ITSN1: variants seen among roughly 807,000 people sequenced by gnomAD.
The protein encoded by ITSN1 is intersectin 1.
ITSN1 carries 58 observed loss-of-function variants against 239.8 expected under a neutral mutation model. The observed-to-expected ratio is 0.24, with a 90% CI of 0.20 to 0.30. The LOEUF (loss-of-function observed/expected upper bound fraction) is 0.30, where lower values mean the gene tolerates loss of function less well. Ranked by LOEUF, ITSN1 falls within the 10% of genes least tolerant of loss-of-function variation. The pLI is 1.00. For synonymous variants in ITSN1, 780 were observed against 770.8 expected (o/e 1.01, Z -0.20); for missense variants, 1,558 against 2,103.3 (o/e 0.74, Z 5.07).
At chr21:33,858,210 C>T (rs1280183811) in intron 30 of ITSN1, among the ~76,000 whole-genome samples, 1 of 152,162 alleles carries the variant, frequency 6.6e-6, no homozygotes, top group Non-Finnish European at 1.5e-5. Context: ...AGTCAGTCAC[C>T]GAGGTGGCCA....
chr21:33,853,790 C>G (rs573125661), intron 29 of ITSN1, among the ~76,000 whole-genome samples: 1 of 152,284 alleles, frequency 6.6e-6, no homozygotes, highest in South Asian at 2.1e-4. Context: ...CTATGACAAC[C>G]AAGAACACAC....
chr21:33,702,473 A>G (rs1263290405), intron 1 of ITSN1, among the ~76,000 whole-genome samples: 1 of 152,198 alleles, frequency 6.6e-6, no homozygotes, highest in Admixed American at 6.5e-5. Flanking sequence ...GCACAATGAC[A>G]TACTTGTTTT....
intron 4 of ITSN1, among the ~76,000 whole-genome samples, chr21:33,724,939 C>A (rs1384867585): frequency 6.6e-6 from 1 of 151,000 alleles, no homozygotes; most frequent in African/African-American, 2.4e-5. Flanking sequence ...ATAGGTGTGG[C>A]CACCATGCCT....
intron 14 of ITSN1, among the ~76,000 whole-genome samples, chr21:33,779,325 C>T (rs1055158118): frequency 4.6e-5 from 7 of 152,114 alleles, no homozygotes; most frequent in African/African-American, 1.7e-4. Flanking sequence ...AAATGTCCAT[C>T]TAAACACTGA....
At chr21:33,726,220 C>G (rs1237389495) in intron 4 of ITSN1, among the ~76,000 whole-genome samples, 1 of 152,158 alleles carries the variant, frequency 6.6e-6, no homozygotes, top group East Asian at 1.9e-4. Flanking sequence ...TCTCGAACTC[C>G]TGACCTGAAG....
chr21:33,817,443 G>A (rs549167880), intron 22 of ITSN1: 51 of 1,304,364 alleles, frequency 3.9e-5, no homozygotes, highest in East Asian at 5.5e-5. Flanking sequence ...TGAAATTTAC[G>A]CTGATGCCCC....
intron 1 of ITSN1, among the ~76,000 whole-genome samples, chr21:33,677,656 A>G (rs2090677396): frequency 6.6e-6 from 1 of 152,090 alleles, no homozygotes; most frequent in Non-Finnish European, 1.5e-5. Flanking sequence ...GGAATTCTTG[A>G]TGCTGTCCCC....
intron 1 of ITSN1, among the ~76,000 whole-genome samples, chr21:33,646,000 G>C (rs2146049608): frequency 6.6e-6 from 1 of 152,334 alleles, no homozygotes; most frequent in Non-Finnish European, 1.5e-5. Flanking sequence ...CTAAAACAGT[G>C]CCTGGAGGAA....
intron 1 of ITSN1, among the ~76,000 whole-genome samples, chr21:33,677,331 A>C (rs2090654710): frequency 1.3e-5 from 2 of 151,484 alleles, no homozygotes; most frequent in African/African-American, 4.9e-5. Flanking sequence ...TAACATAGCC[A>C]AAGCAGAATT....
intron 1 of ITSN1, among the ~76,000 whole-genome samples, chr21:33,715,578 G>T (rs2065085038): frequency 6.6e-6 from 1 of 152,158 alleles, no homozygotes; most frequent in African/African-American, 2.4e-5. Flanking sequence ...TATCAAGGTT[G>T]CCTATACAAT....
chr21:33,703,079 C>CTGTG (rs1479310883), intron 1 of ITSN1, among the ~76,000 whole-genome samples: 74 of 126,946 alleles, frequency 5.8e-4, no homozygotes, highest in East Asian at 2.5e-3. Context: ...GAGCGAGACT[C>CTGTG]TGTCTGTGTG....
chr21:33,886,540 C>A, intron 39 of ITSN1, 80 bp downstream of exon 39: 1 of 1,274,942 alleles, frequency 7.8e-7, no homozygotes, highest in Non-Finnish European at 1.1e-6. Context: ...TACCTGGGGA[C>A]TTGGTGCCAG....
At chr21:33,726,421 T>C (rs1054504409) in intron 4 of ITSN1, among the ~76,000 whole-genome samples, 1 of 152,084 alleles carries the variant, frequency 6.6e-6, no homozygotes, top group Admixed American at 6.6e-5. Flanking sequence ...TCCTTACTCC[T>C]TTTGGTAGAC....
intron 29 of ITSN1, among the ~76,000 whole-genome samples, chr21:33,849,565 CA>C (rs55906219): frequency 0.14 from 12,041 of 85,720 alleles, 690 homozygotes; most frequent in African/African-American, 0.3. Flanking sequence ...GACTCTGTCT[CA>C]AAAAAAAAAA....
At chr21:33,880,818 A>G (rs1016480107) in intron 34 of ITSN1, among the ~76,000 whole-genome samples, 5 of 151,990 alleles carry the variant, frequency 3.3e-5, no homozygotes, top group Admixed American at 2.6e-4. Flanking sequence ...GGACTGGGTC[A>G]TCTTACTCCT....
chr21:33,829,124 C>T (rs1306613655), intron 26 of ITSN1: 16 of 406,968 alleles, frequency 3.9e-5, no homozygotes, highest in South Asian at 1.8e-4. Flanking sequence ...AAGCCCCTGC[C>T]GGGCTCCCAG....
chr21:33,829,370 T>G, intron 26 of ITSN1: 1 of 461,396 alleles, frequency 2.2e-6, no homozygotes, highest in South Asian at 2.4e-5. Context: ...AGTTGGTAAG[T>G]AAGTTTCACG....
At chr21:33,739,505 A>G (rs2066713583) in intron 5 of ITSN1, among the ~76,000 whole-genome samples, 1 of 152,214 alleles carries the variant, frequency 6.6e-6, no homozygotes, top group Non-Finnish European at 1.5e-5. Context: ...TTATTTTCAA[A>G]TTGTGGGGAG....
chr21:33,643,858 C>G (rs949867459), intron 1 of ITSN1: 3 of 152,210 alleles, frequency 2.0e-5, no homozygotes, highest in Non-Finnish European at 2.9e-5. Flanking sequence ...AAATCCCATA[C>G]AAACAAATGC....
Sources: gnomAD v4.1 joint callset for allele counts (sites outside exome capture counted in the v4.1 genomes callset) on GRCh38, gnomAD v4.1.1 for gene constraint, MANE v1.5 for transcripts, NCBI Gene and HGNC (gene_info 2026-07-23, HGNC 2026-07-21) for gene names.